Variants in TGFA observed in about 807,000 individuals in gnomAD.
TGFA encodes the protein transforming growth factor alpha, also known as protransforming growth factor alpha.
In TGFA, 12 loss-of-function variants were observed where a neutral mutation model predicts 21.7. The observed-to-expected ratio is 0.55, with a 90% CI of 0.35 to 0.90. The LOEUF (loss-of-function observed/expected upper bound fraction) is 0.90. Ranked by LOEUF, TGFA falls within the 40% of genes least tolerant of loss-of-function variation. The pLI is 0.01. For synonymous variants in TGFA, 79 were observed against 88.1 expected, an observed-to-expected ratio of 0.90 and a Z score of 0.58; for missense variants, 178 against 210.8, an observed-to-expected ratio of 0.84 and a Z score of 0.96.
intron 1 of TGFA, among the ~76,000 whole-genome samples, chr2:70,524,940 T>C (rs1553502782): frequency 6.6e-6 from 1 of 152,208 alleles, no homozygotes; most frequent in Non-Finnish European, 1.5e-5. Flanking sequence ...TGGCCTGTGA[T>C]GTCTCAGAAT....
chr2:70,491,889 C>G (rs1347658175), intron 2 of TGFA, among the ~76,000 whole-genome samples: 1 of 152,206 alleles, frequency 6.6e-6, no homozygotes, highest in Non-Finnish European at 1.5e-5. Flanking sequence ...TAAAACCCAC[C>G]AAATGAGCTG....
At chr2:70,551,358 C>T (rs1673501532) in intron 1 of TGFA, among the ~76,000 whole-genome samples, 1 of 152,202 alleles carries the variant, frequency 6.6e-6, no homozygotes, top group Admixed American at 6.5e-5. Flanking sequence ...CCAGTGTTGC[C>T]ATTTGGGCAA....
rs117146916 is a variant in TGFA at position 70,484,130 on chromosome 2, T to C, written c.95-18394A>G. ...CTAGTGTTTCCTTCTCTCACTTCTA[T>C]AGCACATATAGATATCAACCTGTTA... is the stretch of plus-strand genomic sequence containing the variant. On this transcript the variant is annotated intron_variant, in intron 2 of 5. Transcript: ENST00000295400. Among the ~76,000 whole-genome samples the C allele has an allele frequency of 3.3e-5, 5 of 152,340 alleles. No homozygotes were observed. The East Asian group carries it at 9.6e-4, about 29-fold the overall frequency.
chr2:70,486,456 GTTTT>G (rs1350733689), intron 2 of TGFA, among the ~76,000 whole-genome samples: 1 of 151,948 alleles, frequency 6.6e-6, no homozygotes, highest in Non-Finnish European at 1.5e-5. Flanking sequence ...CATTTCTTGT[GTTTT>G]TTGTTTGTTT....
At chr2:70,524,358 G>A (rs1046357446) in intron 1 of TGFA, among the ~76,000 whole-genome samples, 7 of 152,244 alleles carry the variant, frequency 4.6e-5, no homozygotes, top group African/African-American at 1.4e-4. Flanking sequence ...TGTCTCTTCC[G>A]AAGAGTTTAA....
intron 2 of TGFA, among the ~76,000 whole-genome samples, chr2:70,506,506 A>G (rs1671931560): frequency 6.6e-6 from 1 of 152,228 alleles, no homozygotes; most frequent in Non-Finnish European, 1.5e-5. Context: ...ACTGAAATGT[A>G]AGACCACTAC....
chr2:70,542,602 T>C (rs1673166155), intron 1 of TGFA, among the ~76,000 whole-genome samples: 2 of 152,218 alleles, frequency 1.3e-5, no homozygotes, highest in South Asian at 2.1e-4. Context: ...GACACAATGG[T>C]AAATTTGGAG....
chr2:70,548,398 G>A (rs989194810), intron 1 of TGFA, among the ~76,000 whole-genome samples: 3 of 152,108 alleles, frequency 2.0e-5, no homozygotes, highest in Admixed American at 6.6e-5. Context: ...CTCTGCTACC[G>A]GGGTTCCCAG....
At chr2:70,532,672 CAG>C (rs1672847816) in intron 1 of TGFA, among the ~76,000 whole-genome samples, 1 of 152,162 alleles carries the variant, frequency 6.6e-6, no homozygotes, top group African/African-American at 2.4e-5. Flanking sequence ...GCTCGGGACT[CAG>C]AGAAACTGCC....
At chr2:70,548,513 A>G (rs928855442) in intron 1 of TGFA, among the ~76,000 whole-genome samples, 12 of 152,216 alleles carry the variant, frequency 7.9e-5, no homozygotes, top group African/African-American at 2.7e-4. Flanking sequence ...AGCAGCAAAT[A>G]CTTCAAGGGT....
intron 3 of TGFA, 22 bp from the exon 4 acceptor site, chr2:70,456,510 G>C: frequency 6.3e-7 from 1 of 1,587,814 alleles, no homozygotes; most frequent in Non-Finnish European, 8.6e-7. Flanking sequence ...AGGAACGTCA[G>C]TGCACTCTCC....
At chr2:70,460,538 C>T (rs1327671656) in intron 3 of TGFA, among the ~76,000 whole-genome samples, 7 of 152,098 alleles carry the variant, frequency 4.6e-5, no homozygotes, top group Non-Finnish European at 1.0e-4. Context: ...CTCAGGTAGG[C>T]GTTGGTTCTC....
intron 2 of TGFA, among the ~76,000 whole-genome samples, chr2:70,511,534 A>T (rs1245333433): frequency 6.6e-6 from 1 of 152,240 alleles, no homozygotes; most frequent in Non-Finnish European, 1.5e-5. Context: ...ATTAAAACGA[A>T]GTAGCACAAA....
chr2:70,512,918 G>C (rs1672148756), intron 2 of TGFA, among the ~76,000 whole-genome samples: 1 of 152,224 alleles, frequency 6.6e-6, no homozygotes, highest in Non-Finnish European at 1.5e-5. Context: ...AGGTCTTAGA[G>C]TGTGAATCAG....
intron 1 of TGFA, among the ~76,000 whole-genome samples, chr2:70,534,958 C>A (rs768531560): frequency 6.6e-6 from 1 of 152,098 alleles, no homozygotes; most frequent in Non-Finnish European, 1.5e-5. Flanking sequence ...AGGCAAGGGT[C>A]CTGGGCTCAA....
chr2:70,473,134 G>C (rs1553493568), intron 2 of TGFA, among the ~76,000 whole-genome samples: 1 of 152,160 alleles, frequency 6.6e-6, no homozygotes, highest in African/African-American at 2.4e-5. Context: ...CCAAAGCTCT[G>C]GACTCAGCTC....
intron 1 of TGFA, among the ~76,000 whole-genome samples, chr2:70,546,928 G>A (rs1471313063): frequency 5.9e-5 from 9 of 152,134 alleles, no homozygotes; most frequent in African/African-American, 2.2e-4. Flanking sequence ...AAAAATAAAG[G>A]ATTTAAGAAA....
chr2:70,481,082 AT>A (rs1276914026), intron 2 of TGFA, among the ~76,000 whole-genome samples: 2 of 152,346 alleles, frequency 1.3e-5, no homozygotes, highest in Non-Finnish European at 2.9e-5. Flanking sequence ...TCATAGTTCC[AT>A]GAAAAATTTG....
intron 2 of TGFA, among the ~76,000 whole-genome samples, chr2:70,485,422 G>A (rs1228561277): frequency 2.6e-5 from 4 of 152,196 alleles, no homozygotes; most frequent in Admixed American, 6.5e-5. Context: ...ATTTTTAGTA[G>A]AGATGGGGTT....
Sources: gnomAD v4.1 joint callset for allele counts (sites outside exome capture counted in the v4.1 genomes callset) on GRCh38, gnomAD v4.1.1 for gene constraint, MANE v1.5 for transcripts, NCBI Gene and HGNC (gene_info 2026-07-23, HGNC 2026-07-21) for gene names.